PCDH9: variants seen among roughly 807,000 people sequenced by gnomAD.
PCDH9 encodes the protein protocadherin-9.
In PCDH9, 24 loss-of-function variants were observed where a neutral mutation model predicts 70.6. The observed-to-expected ratio is 0.34, with a 90% confidence interval of 0.25 to 0.48. The LOEUF is 0.48. Ranked by LOEUF, PCDH9 falls within the 20% of genes least tolerant of loss-of-function variation. PCDH9 has a pLI of 0.99. For missense variants in PCDH9, 1,281 were observed against 1,503.6 expected (o/e 0.85, Z 2.45); for synonymous variants, 562 against 558.5 (o/e 1.01, Z -0.09).
At chr13:66,430,750 T>A (rs1326171964) in intron 4 of PCDH9, among the ~76,000 whole-genome samples, 1 of 152,036 alleles carries the variant, frequency 6.6e-6, no homozygotes, top group Non-Finnish European at 1.5e-5. Flanking sequence ...AAAGGGAGAC[T>A]TACATATAAA....
chr13:66,936,895 A>T (rs1015524847), intron 2 of PCDH9, among the ~76,000 whole-genome samples: 15 of 152,238 alleles, frequency 9.9e-5, no homozygotes, highest in Non-Finnish European at 2.2e-4. Flanking sequence ...TATATCATAA[A>T]TGTACCAAAG....
At chr13:67,118,260 G>A (rs1254552828) in intron 2 of PCDH9, among the ~76,000 whole-genome samples, 1 of 152,156 alleles carries the variant, frequency 6.6e-6, no homozygotes, top group African/African-American at 2.4e-5. Context: ...GGTACTACTA[G>A]CAGGAGTGGG....
At chr13:66,400,179 T>C (rs1957163757) in intron 4 of PCDH9, among the ~76,000 whole-genome samples, 1 of 152,154 alleles carries the variant, frequency 6.6e-6, no homozygotes, top group African/African-American at 2.4e-5. Context: ...AGAAACAGTA[T>C]TTTTCTACTT....
chr13:66,706,296 T>C (rs1384625264), intron 3 of PCDH9, among the ~76,000 whole-genome samples: 2 of 152,228 alleles, frequency 1.3e-5, no homozygotes, highest in African/African-American at 2.4e-5. Flanking sequence ...GCTAGATTCA[T>C]AAACTATGTT....
intron 4 of PCDH9, among the ~76,000 whole-genome samples, chr13:66,626,951 C>CTGTGTGTGTGTGTGTGTGTGTG (rs10559380): frequency 1.2e-4 from 17 of 147,382 alleles, no homozygotes; most frequent in Non-Finnish European, 1.9e-4. Flanking sequence ...TCAAATGCCA[C>CTGTGTGTGTGTGTGTGTGTGTG]TGTGTGTGTG....
intron 2 of PCDH9, among the ~76,000 whole-genome samples, chr13:66,934,553 A>AG: frequency 6.9e-6 from 1 of 145,058 alleles, no homozygotes; most frequent in East Asian, 2.1e-4. Context: ...AAAAAAAAAA[A>AG]AAAAGAAAAA....
intron 4 of PCDH9, among the ~76,000 whole-genome samples, chr13:66,426,825 TA>T (rs1247123952): frequency 6.6e-6 from 1 of 151,570 alleles, no homozygotes; most frequent in African/African-American, 2.4e-5. Flanking sequence ...TTCTTTTGTG[TA>T]AAAAATGTCC....
At chr13:66,522,734 A>G (rs185658464) in intron 4 of PCDH9, among the ~76,000 whole-genome samples, 3 of 152,198 alleles carry the variant, frequency 2.0e-5, no homozygotes, top group East Asian at 3.9e-4. Context: ...GCTAAAGGGC[A>G]TGTGGAACCA....
At chr13:66,662,298 C>T (rs1566489451) in intron 3 of PCDH9, among the ~76,000 whole-genome samples, 1 of 151,768 alleles carries the variant, frequency 6.6e-6, no homozygotes, top group South Asian at 2.1e-4. Context: ...CATGGAGAAA[C>T]CCCGTCTCTA....
chr13:66,570,909 C>T (rs1322908375), intron 4 of PCDH9, among the ~76,000 whole-genome samples: 1 of 151,814 alleles, frequency 6.6e-6, no homozygotes, highest in Non-Finnish European at 1.5e-5. Context: ...AGTTTCAGTG[C>T]TTATATAATT....
chr13:67,145,577 A>C (rs1006307251), intron 2 of PCDH9, among the ~76,000 whole-genome samples: 1 of 148,786 alleles, frequency 6.7e-6, no homozygotes, highest in Non-Finnish European at 1.5e-5. Context: ...CATAGGTCTT[A>C]TAGTATAAAA....
intron 3 of PCDH9, among the ~76,000 whole-genome samples, chr13:66,847,219 T>C (rs778707398): frequency 2.0e-5 from 3 of 152,216 alleles, no homozygotes; most frequent in Non-Finnish European, 2.9e-5. Flanking sequence ...GTTGTTTCTT[T>C]AATAAAATTG....
intron 3 of PCDH9, among the ~76,000 whole-genome samples, chr13:66,847,829 A>T (rs1594142853): frequency 6.6e-6 from 1 of 152,202 alleles, no homozygotes; most frequent in African/African-American, 2.4e-5. Flanking sequence ...GGGATGGAGC[A>T]GGACAGTGTG....
chr13:66,941,281 A>T (rs1014577149), intron 2 of PCDH9, among the ~76,000 whole-genome samples: 1 of 151,830 alleles, frequency 6.6e-6, no homozygotes, highest in Non-Finnish European at 1.5e-5. Flanking sequence ...TATGGGTAAT[A>T]GTCCAACAAT....
intron 2 of PCDH9, among the ~76,000 whole-genome samples, chr13:67,185,604 A>G (rs1277482777): frequency 1.3e-5 from 2 of 152,254 alleles, no homozygotes; most frequent in East Asian, 1.9e-4. Context: ...TAAGTTAAAA[A>G]GAAATGTTTG....
intron 4 of PCDH9, among the ~76,000 whole-genome samples, chr13:66,583,904 A>T (rs370102235): frequency 6.6e-6 from 1 of 152,128 alleles, no homozygotes; most frequent in Non-Finnish European, 1.5e-5. Context: ...AGCTCACTAC[A>T]TGTAGGTTAT....
Position 66,303,294 on chromosome 13 carries a change from T to G in PCDH9, c.*1361A>C, listed in dbSNP as rs1955402291. 1 of 152,466 alleles carries G rather than the reference T, an allele frequency of 6.6e-6. No individual in the cohort carries two copies. The highest frequency in any genetic ancestry group is 1.5e-5 in the Non-Finnish European group (1 of 67,988). The allele number at this position is 152,466 out of a possible 1,614,324, so 9.4% of individuals were successfully genotyped here. On this transcript the variant is annotated 3_prime_UTR_variant, in exon 5 of 5. Coordinates refer to ENST00000377865, the MANE Select transcript of PCDH9 (RefSeq NM_203487.3). Reference sequence around the variant, plus strand: ...GATTTGTTTGCACGTGCAACTGAGATCTTATTAACATTAGTTGTCACTTTA... The same window carrying G: ...GATTTGTTTGCACGTGCAACTGAGAGCTTATTAACATTAGTTGTCACTTTA...
At chr13:66,889,860 G>A (rs998248557) in intron 3 of PCDH9, among the ~76,000 whole-genome samples, 3 of 151,950 alleles carry the variant, frequency 2.0e-5, no homozygotes, top group Admixed American at 6.6e-5. Context: ...GCTTTTTGGC[G>A]AAAAAATAGG....
At chr13:66,565,101 C>T (rs910581933) in intron 4 of PCDH9, among the ~76,000 whole-genome samples, 7 of 152,102 alleles carry the variant, frequency 4.6e-5, no homozygotes, top group Non-Finnish European at 8.8e-5. Flanking sequence ...AAATCATTTT[C>T]GTGTCTTAAA....
Sources: gnomAD v4.1 joint callset for allele counts (sites outside exome capture counted in the v4.1 genomes callset) on GRCh38, gnomAD v4.1.1 for gene constraint, MANE v1.5 for transcripts, NCBI Gene and HGNC (gene_info 2026-07-23, HGNC 2026-07-21) for gene names.